The following CCDC180 variants were observed in gnomAD, a reference collection of about 807,000 sequenced individuals.
The protein encoded by CCDC180 is coiled-coil domain containing 180, also known as coiled-coil domain-containing protein 180.
CCDC180 carries 154 observed loss-of-function variants against 209.2 expected under a neutral mutation model. That is an observed-to-expected ratio of 0.74 (90% CI 0.65 to 0.84). CCDC180 has a LOEUF of 0.84. CCDC180 is among the 40% of genes least tolerant of loss of function. CCDC180 has a pLI of 0.00. For synonymous variants in CCDC180, 778 were observed against 749.1 expected (o/e 1.04, Z -0.63); for missense variants, 1,874 against 1,997.3 (o/e 0.94, Z 1.18).
In CCDC180 at chr9:97,377,834, T is replaced by C. The variant is rs1298709414; in HGVS notation, c.*940T>C. 2 of 151,420 alleles carry C rather than the reference T, an allele frequency of 1.3e-5. No homozygotes were observed. The highest frequency in any genetic ancestry group is 3.9e-4 in the East Asian group (2 of 5,184). 9.4% of individuals were successfully genotyped at this position (151,420 alleles called of 1,614,324 possible). ...CAATGTGCTACCTTTCATTGCTTAT[T>C]ATTCCGAAAGGAATATATGCGCATT... On this transcript the variant is annotated 3_prime_UTR_variant, in exon 37 of 37. Coordinates refer to ENST00000529487, the MANE Select transcript of CCDC180 (RefSeq NM_020893.6).
rs115011977 is a variant in CCDC180, at chr9:97,344,210, G to A, written c.2498+647G>A. The stretch of plus-strand genomic sequence containing the variant: ...CATTTGTGTTTGCCTTTTGGATGGC[G>A]TTCTCATTGTCCTCCTGCCTCTACA... On this transcript the variant is annotated intron_variant, in intron 19 of 36. Transcript: ENST00000529487. Among the ~76,000 whole-genome samples the A allele has an allele frequency of 2.3e-3, 355 of 152,256 alleles. 1 individual carries two copies. Among genetic ancestry groups the A allele is most frequent in the African/African-American group, 7.4e-3 (306 of 41,550 alleles).
At chr9:97,314,559 GTCCTGCTTCTTCCCTGCCTCCCACCGGC>G (rs1564146270) in intron 6 of CCDC180, 31 bp from the exon 7 acceptor site, 8 of 1,613,634 alleles carry the variant, frequency 5.0e-6, no homozygotes, top group Non-Finnish European at 6.8e-6. Flanking sequence ...CCCCACCCAG[GTCCTGCTTCTTCCCTGCCTCCCACCGGC>G]TCCTAGCCTG....
At chr9:97,356,063 T>C (rs1393052793) in intron 24 of CCDC180, among the ~76,000 whole-genome samples, 1 of 151,298 alleles carries the variant, frequency 6.6e-6, no homozygotes, top group Admixed American at 6.6e-5. Context: ...TGGGTAGGAG[T>C]GAGGCAGAAG....
intron 33 of CCDC180, chr9:97,371,303 A>C (rs2117991539): frequency 4.1e-6 from 1 of 244,764 alleles, no homozygotes; most frequent in East Asian, 7.4e-5. Context: ...AATTAATTAC[A>C]AAATTACTGA....
rs1309920961 is a variant in CCDC180, at chr9:97,366,546, C to T, written c.4048-13C>T. On this transcript the variant is annotated splice_polypyrimidine_tract_variant and intron_variant, in intron 30 of 36. Transcript: ENST00000529487. This position sits in a 1 kb window ranked among gnomAD's most constrained non-coding sequence, Gnocchi z 4.3. Reference sequence around the variant, plus strand: ...TGGAGTCCTCACCCGCACATGGTCACCCTCTCTGGCAGGAGTTCTACCGTA... The same window carrying T: ...TGGAGTCCTCACCCGCACATGGTCATCCTCTCTGGCAGGAGTTCTACCGTA... 4 of 1,613,282 alleles carry T rather than the reference C, an allele frequency of 2.5e-6. No individual in the cohort carries two copies. The highest frequency in any genetic ancestry group is 3.4e-6 in the Non-Finnish European group (4 of 1,179,582).
upstream of CCDC180, chr9:97,307,368 A>G (rs892509192): frequency 2.0e-6 from 1 of 503,484 alleles, no homozygotes; most frequent in African/African-American, 1.9e-5. Context: ...GGCTGCCTTG[A>G]GAGGTGCTTT....
At position 97,362,202 on chromosome 9, in the gene CCDC180, C is replaced by T. The variant is rs778059875; in HGVS notation, c.3663C>T (p.Pro1221=). 1 of 1,612,028 alleles carries T rather than the reference C, an allele frequency of 6.2e-7. No homozygotes were observed. Among genetic ancestry groups the T allele is most frequent in the Admixed American group, 1.7e-5 (1 of 59,970 alleles). ...VDVIRKLLQL[P]NTKWPTHHCD... is the part of the protein sequence containing the mutation. ...CCCTTTCCTTTGGTTTCAGACTTCC[C>T]AACACAAAATGGCCAACCCACCATT... The change falls in exon 28 of 37, where the codon CCC becomes CCT. Residue 1221 remains proline, a synonymous_variant. Transcript: ENST00000529487.
Position 97,322,845 on chromosome 9 carries a change from T to C in CCDC180, c.1172T>C (p.Val391Ala). The C allele has an allele frequency of 1.2e-6, 2 of 1,614,004 alleles. No individual in the cohort carries two copies. The highest frequency in any genetic ancestry group is 1.7e-6 in the Non-Finnish European group (2 of 1,179,956). ...TCTGCCCATGGAGACACCTACCACGTGGACTGCATGATGCGGATCCGCCTG... is the reference window on the plus strand; with the variant it reads ...TCTGCCCATGGAGACACCTACCACGCGGACTGCATGATGCGGATCCGCCTG... ...SLNKELDTYH[V>A]DCMMRIRLLY... Residue 391 changes from valine (V) to alanine (A), a missense_variant, in exon 12 of 37, where the codon GTG becomes GCG. Coordinates refer to ENST00000529487, the MANE Select transcript of CCDC180 (RefSeq NM_020893.6).
At position 97,361,714 on chromosome 9, in the gene CCDC180, T is replaced by G. The variant is rs764561114; in HGVS notation, c.3484-12T>G. The G allele has an allele frequency of 3.1e-6, 5 of 1,613,368 alleles. No homozygotes were observed. The South Asian group carries it at 5.5e-5, about 18-fold the overall frequency. The stretch of plus-strand genomic sequence containing the variant: ...GTCCTTACACCCTCAGGCCCTTCTC[T>G]CTGGCCTGCAGAACACCATCCTGAA... On this transcript the variant is annotated splice_polypyrimidine_tract_variant and intron_variant, in intron 26 of 36. Transcript: ENST00000529487.
In CCDC180 at chr9:97,349,201, T is replaced by G; in HGVS notation, c.2765T>G (p.Phe922Cys). ...AAGAAGCGGCTGATGTTCTGCCAGTTCCAAGAAGAGCAAAACGTGAGGAGC... is the reference window on the plus strand; with the variant it reads ...AAGAAGCGGCTGATGTTCTGCCAGTGCCAAGAAGAGCAAAACGTGAGGAGC... ...LKKKRLMFCQ[F>C]QEEQNVRSKN... Residue 922 changes from phenylalanine to cysteine, a missense_variant, in exon 21 of 37, where the codon TTC (phenylalanine) becomes TGC (cysteine). Physicochemically the swap from Phe to Cys is radical, Grantham distance 205. Transcript: ENST00000529487. 1 of 1,536,488 alleles carries G rather than the reference T, an allele frequency of 6.5e-7. No individual in the cohort carries two copies. Among genetic ancestry groups the G allele is most frequent in the Non-Finnish European group, 8.7e-7 (1 of 1,146,986 alleles).
At position 97,371,582 on chromosome 9, in the gene CCDC180, A is replaced by G. The variant is rs931280755; in HGVS notation, c.4489-13A>G. ...CTCTCCTAGCAGCACTGTGCTCACC[A>G]TGTTTTTTCCAGGAATGTACCAGAA... On this transcript the variant is annotated splice_polypyrimidine_tract_variant and intron_variant, in intron 33 of 36. Coordinates refer to ENST00000529487, the MANE Select transcript of CCDC180 (RefSeq NM_020893.6). 4.5e-6 allele frequency: 7 copies of G among 1,565,512 alleles called. No homozygotes were observed. The highest frequency in any genetic ancestry group is 3.4e-5 in the Admixed American group (2 of 59,696).
chr9:97,376,734 G>A, intron 36 of CCDC180, 29 bp from the exon 37 acceptor site: 1 of 1,606,628 alleles, frequency 6.2e-7, no homozygotes, highest in Non-Finnish European at 8.5e-7. Context: ...CTCTCCTCAT[G>A]TGGACCCCTC....
In CCDC180 at chr9:97,365,754, C is replaced by T. The variant is rs766043943; in HGVS notation, c.4047+15C>T. ...CAGTCGCAGAGGTGAGGACCACCACCCATGGCCTGTGCCTGCCCTGGAAAC... is the reference window on the plus strand; with the variant it reads ...CAGTCGCAGAGGTGAGGACCACCACTCATGGCCTGTGCCTGCCCTGGAAAC... On this transcript the variant is annotated intron_variant, in intron 30 of 36. Coordinates refer to ENST00000529487, the MANE Select transcript of CCDC180 (RefSeq NM_020893.6). 1 of 1,612,836 alleles carries T rather than the reference C, an allele frequency of 6.2e-7. No homozygotes were observed. Among genetic ancestry groups the T allele is most frequent in the South Asian group, 1.1e-5 (1 of 91,050 alleles).
At chr9:97,317,000 T>G in intron 8 of CCDC180, 65 bp from the exon 9 acceptor site, 1 of 1,467,650 alleles carries the variant, frequency 6.8e-7, no homozygotes, top group Non-Finnish European at 9.2e-7. Context: ...CCTCTCTAAC[T>G]GAGCCTTGCC....
Position 97,377,839 on chromosome 9 carries a change from C to T in CCDC180, c.*945C>T, listed in dbSNP as rs1008283828. The T allele has an allele frequency of 6.9e-6, 1 of 145,886 alleles. No individual in the cohort carries two copies. Among genetic ancestry groups the T allele is most frequent in the African/African-American group, 2.5e-5 (1 of 39,626 alleles). The allele number at this position is 145,886 out of a possible 1,614,324, so 9.0% of individuals were successfully genotyped here. On this transcript the variant is annotated 3_prime_UTR_variant, in exon 37 of 37. Coordinates refer to ENST00000529487, the MANE Select transcript of CCDC180 (RefSeq NM_020893.6). ...TGCTACCTTTCATTGCTTATTATTC[C>T]GAAAGGAATATATGCGCATTGTAGA...
chr9:97,370,124 G>T (rs368497340), intron 32 of CCDC180, 42 bp downstream of exon 32: 4 of 1,588,174 alleles, frequency 2.5e-6, no homozygotes, highest in Non-Finnish European at 3.4e-6. Flanking sequence ...AGGACCAGGG[G>T]AACTGGGAGT....
At position 97,322,840 on chromosome 9, in the gene CCDC180, C is replaced by T. The variant is rs766732858; in HGVS notation, c.1167C>T (p.Tyr389=). The change falls in exon 12 of 37, where the codon TAC becomes TAT. Residue 389 remains tyrosine (Y), a synonymous_variant. Coordinates refer to ENST00000529487, the MANE Select transcript of CCDC180 (RefSeq NM_020893.6). The part of the protein sequence containing the change: ...LNSLNKELDT[Y]HVDCMMRIRL... The stretch of plus-strand genomic sequence containing the variant: ...TGTTTTCTGCCCATGGAGACACCTA[C>T]CACGTGGACTGCATGATGCGGATCC... 5.6e-6 allele frequency: 9 copies of T among 1,613,816 alleles called. No homozygotes were observed. Among genetic ancestry groups the T allele is most frequent in the Non-Finnish European group, 7.6e-6 (9 of 1,179,886 alleles).
At chr9:97,350,360 C>G in intron 21 of CCDC180, 49 bp from the exon 22 acceptor site, 1 of 1,526,248 alleles carries the variant, frequency 6.6e-7, no homozygotes, top group Non-Finnish European at 8.8e-7. Context: ...TCCCTTGTCC[C>G]CCAGGGTTGT....
At chr9:97,359,285 C>G (rs558546044) in intron 25 of CCDC180, among the ~76,000 whole-genome samples, 22 of 152,332 alleles carry the variant, frequency 1.4e-4, no homozygotes, top group African/African-American at 5.0e-4. Flanking sequence ...GCCTCCCAAC[C>G]CCTGCTCTGT....
Sources: allele counts gnomAD v4.1 joint callset (sites outside exome capture counted in the v4.1 genomes callset), GRCh38; gene constraint gnomAD v4.1.1; non-coding constraint Gnocchi (gnomAD v3.1); transcripts MANE v1.5; gene names NCBI Gene and HGNC (gene_info 2026-07-23, HGNC 2026-07-21).